The following HERPUD1 variants were observed in gnomAD, a reference collection of about 807,000 sequenced individuals.
The protein encoded by HERPUD1 is homocysteine inducible ER protein with ubiquitin like domain 1.
Under a neutral mutation model 45.0 loss-of-function variants are expected in HERPUD1, and 17 were observed. That is an observed-to-expected ratio of 0.38 (90% CI 0.26 to 0.57). HERPUD1 has a LOEUF of 0.57. HERPUD1 is among the 20% of genes least tolerant of loss of function. The pLI is 0.72. For missense variants in HERPUD1, 420 were observed against 490.5 expected, an observed-to-expected ratio of 0.86 and a Z score of 1.36; for synonymous variants, 164 against 177.5, an observed-to-expected ratio of 0.92 and a Z score of 0.61.
intron 1 of HERPUD1, among the ~76,000 whole-genome samples, chr16:56,932,991 G>T (rs1489851785): frequency 1.3e-5 from 2 of 152,194 alleles, no homozygotes; most frequent in African/African-American, 4.8e-5. Context: ...GGCAGGAGTC[G>T]CCTTCAGTCT....
Position 56,932,165 on chromosome 16 carries a change from T to G in HERPUD1, c.-80T>G, listed in dbSNP as rs778281881. The G allele has an allele frequency of 7.7e-5, 121 of 1,561,300 alleles. No homozygotes were observed. Among genetic ancestry groups the G allele is most frequent in the Non-Finnish European group, 1.0e-4 (120 of 1,160,498 alleles). ...GCGCCCCAGAGACGTGAACTGTCGT[T>G]GCAGAGATTGCGGGCGGCTGAGACG... On this transcript the variant is annotated 5_prime_UTR_variant, in exon 1 of 8. Transcript: ENST00000439977.
chr16:56,939,496 C>A, intron 5 of HERPUD1, 137 bp downstream of exon 5: 1 of 1,157,034 alleles, frequency 8.6e-7, no homozygotes, highest in Non-Finnish European at 1.2e-6. Flanking sequence ...TCTGTTTGGT[C>A]TGTGGGTAGA....
At position 56,944,778 on chromosome 16, in the gene HERPUD1, C is replaced by A. The variant is rs561342668; in HGVS notation, c.*1488C>A. The stretch of plus-strand genomic sequence containing the variant: ...CCACCGCACCCAGCCAGGGACTAAT[C>A]TTTAAAGCAAAGTTTTATATATTTT... On this transcript the variant is annotated 3_prime_UTR_variant, in exon 8 of 8. Transcript: ENST00000439977. 2.0e-5 allele frequency: 3 copies of A among 152,116 alleles called. No homozygotes were observed. The highest frequency in any genetic ancestry group is 4.4e-5 in the Non-Finnish European group (3 of 68,028). 9.4% of individuals were successfully genotyped at this position (152,116 alleles called of 1,614,324 possible).
rs1400418326 is a variant in HERPUD1, at chr16:56,943,226, G to T, written c.1112G>T (p.Trp371Leu). The T allele has an allele frequency of 6.2e-7, 1 of 1,614,058 alleles. No homozygotes were observed. The highest frequency in any genetic ancestry group is 1.3e-5 in the African/African-American group (1 of 74,916). ...QTSPSFMSTAWLVFKTFFASL... is the reference protein window; with the variant it reads ...QTSPSFMSTALLVFKTFFASL... ...AGCCCCTCCTTTATGAGCACAGCAT[G>T]GCTTGTCTTCAAGACTTTCTTTGCC... is the stretch of plus-strand genomic sequence containing the variant. The change falls in exon 8 of 8, where the codon TGG becomes TTG. Residue 371 changes from tryptophan to leucine, a missense_variant. Coordinates refer to ENST00000439977, the MANE Select transcript of HERPUD1 (RefSeq NM_014685.4).
At chr16:56,940,387 A>G (rs1388223061) in intron 6 of HERPUD1, 142 bp downstream of exon 6, 2 of 635,822 alleles carry the variant, frequency 3.1e-6, no homozygotes, top group Non-Finnish European at 2.7e-6. Flanking sequence ...AATCACTGCA[A>G]TCTCCGCTTC....
chr16:56,941,965 G>A, intron 6 of HERPUD1, 167 bp from the exon 7 acceptor site: 1 of 599,358 alleles, frequency 1.7e-6, no homozygotes, highest in Non-Finnish European at 3.0e-6. Flanking sequence ...GGACCTTACA[G>A]ACTGGTGAGA....
At chr16:56,939,118 GC>G in intron 4 of HERPUD1, 118 bp from the exon 5 acceptor site, 1 of 1,120,994 alleles carries the variant, frequency 8.9e-7, no homozygotes, top group Non-Finnish European at 1.3e-6. Context: ...CCATGTAACT[GC>G]CGTAAATTCC....
rs563725339 is a variant in HERPUD1 at position 56,940,663 on chromosome 16, A to G, written c.905+418A>G. Among the ~76,000 whole-genome samples, 11 of 152,052 alleles carry G rather than the reference A, an allele frequency of 7.2e-5. No individual in the cohort carries two copies. The South Asian group carries it at 2.3e-3, about 32-fold the overall frequency. On this transcript the variant is annotated intron_variant, in intron 6 of 7. Transcript: ENST00000439977. ...TTACTGTAGAAGGAGATGTGTTTAA[A>G]TAGTATATCACTCTGTGGCTGGGCG...
At chr16:56,932,591 TAATC>T (rs1194173545) in intron 1 of HERPUD1, among the ~76,000 whole-genome samples, 200 bp downstream of exon 1, 1 of 152,250 alleles carries the variant, frequency 6.6e-6, no homozygotes, top group Non-Finnish European at 1.5e-5. Context: ...TAGCCGTCAG[TAATC>T]AGCAGCCTGA....
chr16:56,941,596 C>T (rs1203185911), intron 6 of HERPUD1: 1 of 152,040 alleles, frequency 6.6e-6, no homozygotes, highest in Non-Finnish European at 1.5e-5. Flanking sequence ...TTTATTTTAG[C>T]TTTTAAAAAT....
chr16:56,934,097 A>C (rs1470513671), intron 1 of HERPUD1, among the ~76,000 whole-genome samples: 1 of 152,220 alleles, frequency 6.6e-6, no homozygotes, highest in East Asian at 1.9e-4. Flanking sequence ...AATTATCTCA[A>C]GCTACTTGGC....
chr16:56,934,741 T>C (rs2055852709), intron 1 of HERPUD1, among the ~76,000 whole-genome samples: 1 of 123,098 alleles, frequency 8.1e-6, no homozygotes, highest in African/African-American at 3.1e-5. Flanking sequence ...AGATAGGGTC[T>C]CACTCTGTCG....
chr16:56,939,394 G>T, intron 5 of HERPUD1, 35 bp downstream of exon 5: 1 of 1,612,636 alleles, frequency 6.2e-7, no homozygotes. Context: ...TGTGGCCAGG[G>T]CTCCCGGGAA....
chr16:56,939,593 T>C (rs2055893657), intron 5 of HERPUD1, among the ~76,000 whole-genome samples: 1 of 152,212 alleles, frequency 6.6e-6, no homozygotes, highest in African/African-American at 2.4e-5. Flanking sequence ...ATTTAGAACA[T>C]GTTACTTTCT....
chr16:56,939,990 A>G lies in HERPUD1; in HGVS notation c.650A>G (p.Asn217Ser). The change falls in exon 6 of 8, where the codon AAC becomes AGC. Residue 217 changes from asparagine (N) to serine (S), a missense_variant. Transcript: ENST00000439977. ...VSAPAPAPIH[N>S]QFPAENQPAN... is the part of the protein sequence containing the mutation. The stretch of plus-strand genomic sequence containing the variant: ...GCACCTGCTCCAGCCCCTATTCACA[A>G]CCAGTTTCCAGCTGAAAACCAGCCT... 3 of 1,614,160 alleles carry G rather than the reference A, an allele frequency of 1.9e-6. No homozygotes were observed. The highest frequency in any genetic ancestry group is 2.5e-6 in the Non-Finnish European group (3 of 1,180,008).
chr16:56,934,702 CTTTTTT>C (rs869088050), intron 1 of HERPUD1, among the ~76,000 whole-genome samples: 51 of 59,858 alleles, frequency 8.5e-4, no homozygotes, highest in Admixed American at 1.6e-3. Context: ...ATTTGCCATT[CTTTTTT>C]TTTTTTTTTT....
At chr16:56,937,552 C>T (rs931655054) in intron 4 of HERPUD1, 16 of 152,004 alleles carry the variant, frequency 1.1e-4, no homozygotes, top group Non-Finnish European at 1.9e-4. Context: ...TTAATCCCCA[C>T]ACCATCACCC....
rs762841173 is a variant in HERPUD1 at position 56,932,385 on chromosome 16, G to A, written c.141G>A (p.Glu47=). ...LKAHLSRVYP[E]RPRPEDQRLI... is the part of the protein sequence containing the mutation. ...CCCACCTGAGCCGCGTCTACCCCGA[G>A]CGTCCGGTGAGAGCGGCCCCGACTT... Residue 47 remains glutamate (E), a synonymous_variant, in exon 1 of 8, where the codon GAG becomes GAA. Transcript: ENST00000439977. 6.3e-7 allele frequency: 1 copy of A among 1,585,674 alleles called. No individual in the cohort carries two copies. The highest frequency in any genetic ancestry group is 1.1e-5 in the South Asian group (1 of 88,988).
intron 1 of HERPUD1, among the ~76,000 whole-genome samples, chr16:56,934,680 G>A (rs931287536): frequency 2.1e-5 from 3 of 143,280 alleles, no homozygotes; most frequent in Non-Finnish European, 3.0e-5. Context: ...AGTTAAGTTT[G>A]GACTGGAGAT....
Sources: gnomAD v4.1 joint callset for allele counts (sites outside exome capture counted in the v4.1 genomes callset) on GRCh38, gnomAD v4.1.1 for gene constraint, MANE v1.5 for transcripts, NCBI Gene and HGNC (gene_info 2026-07-23, HGNC 2026-07-21) for gene names.